HOMER1: variants seen among roughly 807,000 people sequenced by gnomAD.
HOMER1 encodes homer scaffold protein 1.
A neutral mutation model predicts 48.9 loss-of-function variants in HOMER1; 3 were observed. That is an observed-to-expected ratio of 0.06 (90% CI 0.03 to 0.16). HOMER1 has a LOEUF of 0.16. HOMER1 is among the 10% of genes least tolerant of loss of function. The pLI is 1.00. For missense variants in HOMER1, 247 were observed against 411.4 expected (o/e 0.60, Z 3.46); for synonymous variants, 134 against 146.4 (o/e 0.92, Z 0.61).
chr5:79,435,901 T>C (rs1260822384), intron 5 of HOMER1, among the ~76,000 whole-genome samples: 1 of 140,384 alleles, frequency 7.1e-6, no homozygotes, highest in Non-Finnish European at 1.6e-5. Context: ...CCGAGGCGGG[T>C]GGATCATGAG....
At chr5:79,387,889 C>T (rs1299336937) in intron 8 of HOMER1, among the ~76,000 whole-genome samples, 2 of 152,168 alleles carry the variant, frequency 1.3e-5, no homozygotes, top group Non-Finnish European at 2.9e-5. Flanking sequence ...TTCGACATAA[C>T]TAGAAGATAC....
rs146373259 is a variant in HOMER1, at chr5:79,407,979, A to G, written c.528-5924T>C. Among the ~76,000 whole-genome samples the G allele has an allele frequency of 4.6e-3, 706 of 152,332 alleles. 4 individuals are homozygous for G. The highest frequency in any genetic ancestry group is 0.015 in the African/African-American group (630 of 41,572). ...TGAGAGAGGGAGAGACCACATTCAC[A>G]TAACTTTTATTACAGTATATTCCTA... is the stretch of plus-strand genomic sequence containing the variant. On this transcript the variant is annotated intron_variant, in intron 5 of 8. Transcript: ENST00000334082.
chr5:79,447,174 C>T (rs754454974), intron 3 of HOMER1, 29 bp from the exon 4 acceptor site: 1 of 1,413,804 alleles, frequency 7.1e-7, no homozygotes, highest in Non-Finnish European at 1.0e-6. Flanking sequence ...CATACATTAA[C>T]CAAATAAAAA....
intron 6 of HOMER1, among the ~76,000 whole-genome samples, chr5:79,399,834 C>G (rs1199802614): frequency 6.6e-6 from 1 of 152,078 alleles, no homozygotes; most frequent in East Asian, 1.9e-4. Flanking sequence ...GTTGGCAGTA[C>G]ACTTGGAGTA....
At chr5:79,480,134 AAAAG>A (rs1274192101) in intron 1 of HOMER1, among the ~76,000 whole-genome samples, 2 of 152,214 alleles carry the variant, frequency 1.3e-5, no homozygotes, top group Non-Finnish European at 2.9e-5. Context: ...AGAATAAAAA[AAAAG>A]AAATTCAACA....
At chr5:79,435,178 C>T (rs1332654954) in intron 5 of HOMER1, among the ~76,000 whole-genome samples, 1 of 151,220 alleles carries the variant, frequency 6.6e-6, no homozygotes, top group South Asian at 2.1e-4. Context: ...AGCTAAGTAA[C>T]TTTTTAAGAA....
chr5:79,383,331 T>C (rs1197658344), intron 8 of HOMER1, among the ~76,000 whole-genome samples: 1 of 152,020 alleles, frequency 6.6e-6, no homozygotes, highest in Non-Finnish European at 1.5e-5. Flanking sequence ...CAAAGAATCA[T>C]TGGATTTAAA....
At chr5:79,444,095 A>G (rs1750812703) in intron 4 of HOMER1, among the ~76,000 whole-genome samples, 1 of 152,126 alleles carries the variant, frequency 6.6e-6, no homozygotes, top group African/African-American at 2.4e-5. Flanking sequence ...ACCCCACTTA[A>G]CCGTTCTTTT....
At chr5:79,434,936 A>G (rs1750533431) in intron 5 of HOMER1, among the ~76,000 whole-genome samples, 1 of 152,184 alleles carries the variant, frequency 6.6e-6, no homozygotes, top group Non-Finnish European at 1.5e-5. Flanking sequence ...CAAAAGTCCA[A>G]AAGTAATTTT....
At chr5:79,460,790 C>T (rs748034995) in intron 1 of HOMER1, among the ~76,000 whole-genome samples, 13 of 152,160 alleles carry the variant, frequency 8.5e-5, no homozygotes, top group Admixed American at 2.0e-4. Context: ...GATAGCTTTC[C>T]GCAACAAAAA....
At chr5:79,442,806 G>C (rs896690999) in intron 4 of HOMER1, among the ~76,000 whole-genome samples, 3 of 152,136 alleles carry the variant, frequency 2.0e-5, no homozygotes, top group African/African-American at 7.2e-5. Flanking sequence ...AGTGAGAATG[G>C]AAAGAAGACA....
chr5:79,513,405 T>C lies in HOMER1; in HGVS notation c.-631A>G, dbSNP rs1752997426. The C allele has an allele frequency of 6.5e-6, 1 of 152,798 alleles. No individual in the cohort carries two copies. The highest frequency in any genetic ancestry group is 2.0e-4 in the South Asian group (1 of 4,896). The allele number at this position is 152,798 out of a possible 1,614,324, so 9.5% of individuals were successfully genotyped here. A position where few individuals can be genotyped will look rare whatever the true frequency, so the allele number is the denominator to read the frequency against. On this transcript the variant is annotated 5_prime_UTR_variant, in exon 1 of 9. Transcript: ENST00000334082. ...TGGAATCTGTCTTTTTAAATGTTTC[T>C]CCTCCTAAGACTCGGAGCAGAGAAG...
At chr5:79,381,776 T>A (rs553991273) in intron 8 of HOMER1, among the ~76,000 whole-genome samples, 2 of 151,944 alleles carry the variant, frequency 1.3e-5, no homozygotes, top group Non-Finnish European at 2.9e-5. Context: ...TCCCAGCTAC[T>A]CTGAAGGCTG....
rs1425209147 is a variant in HOMER1 at position 79,513,035 on chromosome 5, A to AC, written c.-262dup. On this transcript the variant is annotated 5_prime_UTR_variant, in exon 1 of 9. Transcript: ENST00000334082. ...TGCTTTGCGGAGGAGACAGCGATCA[A>AC]CTCTATTCCACAAAATGAGTCTACA... is the stretch of plus-strand genomic sequence containing the variant. 1.8e-6 allele frequency: 1 copy of AC among 542,058 alleles called. No homozygotes were observed. Among genetic ancestry groups the AC allele is most frequent in the Non-Finnish European group, 3.3e-6 (1 of 305,556 alleles). 33.6% of individuals were successfully genotyped at this position (542,058 alleles called of 1,614,324 possible).
At chr5:79,463,391 G>A (rs981319542) in intron 1 of HOMER1, among the ~76,000 whole-genome samples, 6 of 152,170 alleles carry the variant, frequency 3.9e-5, no homozygotes, top group African/African-American at 1.2e-4. Context: ...GTGACATCAG[G>A]ACCTAAAGAA....
At chr5:79,420,805 G>A (rs1202134651) in intron 5 of HOMER1, among the ~76,000 whole-genome samples, 5 of 152,098 alleles carry the variant, frequency 3.3e-5, no homozygotes, top group Non-Finnish European at 5.9e-5. Flanking sequence ...GAAGCTCCTC[G>A]AAGGCAATCT....
At chr5:79,484,240 G>A (rs1398599596) in intron 1 of HOMER1, among the ~76,000 whole-genome samples, 1 of 151,408 alleles carries the variant, frequency 6.6e-6, no homozygotes, top group Non-Finnish European at 1.5e-5. Flanking sequence ...AAAAAGAAAA[G>A]GTATAGTTAG....
intron 1 of HOMER1, among the ~76,000 whole-genome samples, chr5:79,461,431 G>A (rs956207461): frequency 1.3e-5 from 2 of 152,122 alleles, no homozygotes; most frequent in Non-Finnish European, 2.9e-5. Context: ...AGCATTTCCC[G>A]AAGTGTGTTT....
At chr5:79,490,780 A>AC (rs1561384870) in intron 1 of HOMER1, among the ~76,000 whole-genome samples, 1 of 145,984 alleles carries the variant, frequency 6.9e-6, no homozygotes. Context: ...AAAAAAAAAA[A>AC]CAAAAAAAAA....
Sources: gnomAD v4.1 joint callset for allele counts (sites outside exome capture counted in the v4.1 genomes callset) on GRCh38, gnomAD v4.1.1 for gene constraint, MANE v1.5 for transcripts, NCBI Gene and HGNC (gene_info 2026-07-23, HGNC 2026-07-21) for gene names.